Variants in DNAH9 observed in about 807,000 individuals in gnomAD.
DNAH9 encodes the protein DNAH9 variant protein.
In DNAH9, 345 loss-of-function variants were observed where a neutral mutation model predicts 471.6. The ratio of observed to expected loss-of-function variants is 0.73; its 90% CI spans 0.67 to 0.80. DNAH9 has a LOEUF of 0.80. Ranked by LOEUF, DNAH9 falls within the 30% of genes least tolerant of loss-of-function variation. The probability of loss-of-function intolerance (pLI) is 0.00; values close to 1 mark genes in which losing one functional copy is unlikely to be tolerated. For synonymous variants in DNAH9, 2,093 were observed against 2,123.6 expected, an observed-to-expected ratio of 0.99 and a Z score of 0.40; for missense variants, 5,407 against 5,609.2, an observed-to-expected ratio of 0.96 and a Z score of 1.15.
intron 24 of DNAH9, 86 bp downstream of exon 24, chr17:11,701,333 T>C (rs190667964): frequency 3.4e-6 from 5 of 1,464,200 alleles, no homozygotes; most frequent in East Asian, 4.6e-5. Context: ...CTGGTAGATA[T>C]CAGGCTGGCT....
At chr17:11,900,916 CT>C in intron 59 of DNAH9, among the ~76,000 whole-genome samples, 1 of 152,138 alleles carries the variant, frequency 6.6e-6, no homozygotes. Flanking sequence ...GATGTGGGCA[CT>C]CTAAAGAAAT....
At chr17:11,606,050 G>A (rs2072497542) in intron 1 of DNAH9, among the ~76,000 whole-genome samples, 1 of 152,130 alleles carries the variant, frequency 6.6e-6, no homozygotes, top group South Asian at 2.1e-4. Context: ...TTCCCGGTTA[G>A]GACTTCTGCC....
At chr17:11,644,503 T>G (rs973474308) in intron 10 of DNAH9, 128 bp from the exon 11 acceptor site, 4 of 670,012 alleles carry the variant, frequency 6.0e-6, no homozygotes, top group African/African-American at 1.9e-5. Context: ...AGAAAGGCTC[T>G]TTCAGGGCTG....
At chr17:11,770,622 G>A (rs1968168571) in intron 38 of DNAH9, among the ~76,000 whole-genome samples, 2 of 152,148 alleles carry the variant, frequency 1.3e-5, no homozygotes, top group South Asian at 4.1e-4. Context: ...GCAACTGACT[G>A]TAGTTCAGAC....
chr17:11,721,192 A>T (rs8081897), intron 27 of DNAH9, among the ~76,000 whole-genome samples: 1 of 152,130 alleles, frequency 6.6e-6, no homozygotes, highest in Non-Finnish European at 1.5e-5. Context: ...ATCAAAACCA[A>T]TCACTGAACC....
intron 18 of DNAH9, 63 bp from the exon 19 acceptor site, chr17:11,680,660 T>C: frequency 8.3e-6 from 12 of 1,446,516 alleles, no homozygotes; most frequent in Non-Finnish European, 1.1e-5. Flanking sequence ...TCTGTCCAGC[T>C]CAGGACTATG....
At chr17:11,661,676 A>T (rs559021547) in intron 14 of DNAH9, among the ~76,000 whole-genome samples, 9 of 152,138 alleles carry the variant, frequency 5.9e-5, no homozygotes, top group African/African-American at 1.7e-4. Flanking sequence ...TCCTACAGAA[A>T]CCTTGCAAAA....
intron 23 of DNAH9, among the ~76,000 whole-genome samples, chr17:11,700,477 A>G (rs1167905355): frequency 1.3e-5 from 2 of 152,126 alleles, no homozygotes; most frequent in Non-Finnish European, 1.5e-5. Context: ...CTTCCCATCC[A>G]TTAGCACCAC....
chr17:11,918,920 A>G (rs1277930777), intron 61 of DNAH9, among the ~76,000 whole-genome samples: 1 of 152,156 alleles, frequency 6.6e-6, no homozygotes, highest in Non-Finnish European at 1.5e-5. Context: ...CAGGAGAAGG[A>G]GGTTGCAGTG....
chr17:11,725,544 G>A (rs2075135366), intron 27 of DNAH9, among the ~76,000 whole-genome samples: 1 of 149,554 alleles, frequency 6.7e-6, no homozygotes, highest in African/African-American at 2.5e-5. Context: ...TCAGTGAAAG[G>A]TGGGTTTTAT....
At position 11,738,618 on chromosome 17, in the gene DNAH9, T is replaced by C. The variant is rs553113534; in HGVS notation, c.5815-262T>C. ...CTAGTCTTGAACTCTTGACCTCGAGTGATCTGCCCGCCTTGGCCTCCCAAA... is the reference window on the plus strand; with the variant it reads ...CTAGTCTTGAACTCTTGACCTCGAGCGATCTGCCCGCCTTGGCCTCCCAAA... On this transcript the variant is annotated intron_variant, in intron 28 of 68. Transcript: ENST00000262442. 3.2e-4 allele frequency among the ~76,000 whole-genome samples: 48 copies of C among 152,208 alleles called. 1 individual carries two copies. The highest frequency in any genetic ancestry group is 1.5e-4 in the Non-Finnish European group (10 of 68,002).
chr17:11,663,320 G>C (rs11658919), intron 14 of DNAH9, among the ~76,000 whole-genome samples: 51,297 of 152,050 alleles, frequency 0.34, 8,872 homozygotes, highest in Middle Eastern at 0.42. Flanking sequence ...AGCCAGCCCC[G>C]ACAGCAGCAC....
intron 67 of DNAH9, among the ~76,000 whole-genome samples, chr17:11,961,472 G>A (rs966887079): frequency 3.3e-5 from 5 of 152,132 alleles, no homozygotes; most frequent in Admixed American, 1.3e-4. Context: ...CTTTGTAGGC[G>A]CTGGCTTCTT....
At chr17:11,742,576 T>G (rs2075448308) in intron 30 of DNAH9, among the ~76,000 whole-genome samples, 1 of 152,132 alleles carries the variant, frequency 6.6e-6, no homozygotes, top group Non-Finnish European at 1.5e-5. Context: ...CAGCGTCCCA[T>G]GAGAGACATT....
chr17:11,673,396 T>G (rs2074000834), intron 17 of DNAH9, among the ~76,000 whole-genome samples: 1 of 152,190 alleles, frequency 6.6e-6, no homozygotes, highest in Non-Finnish European at 1.5e-5. Context: ...CCTCTCACCT[T>G]AGGACTTACC....
intron 31 of DNAH9, among the ~76,000 whole-genome samples, chr17:11,745,960 T>C (rs2075517250): frequency 1.3e-5 from 2 of 152,128 alleles, no homozygotes; most frequent in South Asian, 4.1e-4. Flanking sequence ...ATTTAGGTTA[T>C]CCAACATGTT....
chr17:11,736,251 C>T (rs1220902815), intron 28 of DNAH9, among the ~76,000 whole-genome samples: 1 of 152,112 alleles, frequency 6.6e-6, no homozygotes, highest in Non-Finnish European at 1.5e-5. Flanking sequence ...AGGATCGTCC[C>T]TCGTACATAT....
At chr17:11,801,330 C>T (rs1324559908) in intron 43 of DNAH9, among the ~76,000 whole-genome samples, 1 of 152,144 alleles carries the variant, frequency 6.6e-6, no homozygotes, top group African/African-American at 2.4e-5. Flanking sequence ...CTGTCTTGCT[C>T]ACTGCTGAAA....
intron 58 of DNAH9, among the ~76,000 whole-genome samples, chr17:11,893,680 A>G (rs1482608434): frequency 1.3e-5 from 2 of 152,098 alleles, no homozygotes; most frequent in Non-Finnish European, 2.9e-5. Context: ...ACACATGGAC[A>G]CAGGGAATGT....
Sources: allele counts gnomAD v4.1 joint callset (sites outside exome capture counted in the v4.1 genomes callset), GRCh38; gene constraint gnomAD v4.1.1; transcripts MANE v1.5; gene names NCBI Gene and HGNC (gene_info 2026-07-23, HGNC 2026-07-21).